XDH: variants seen among roughly 807,000 people sequenced by gnomAD.
XDH encodes xanthine dehydrogenase/oxidase.
In XDH, 138 loss-of-function variants were observed where a neutral mutation model predicts 156.1. That is an observed-to-expected ratio of 0.88 (90% CI 0.77 to 1.02). The LOEUF (loss-of-function observed/expected upper bound fraction) is 1.02, where lower values mean the gene tolerates loss of function less well. XDH is among the 50% of genes least tolerant of loss of function. The pLI is 0.00. For synonymous variants in XDH, 669 were observed against 625.7 expected (o/e 1.07, Z -1.03); for missense variants, 1,849 against 1,684.9 (o/e 1.10, Z -1.71).
chr2:31,350,348 C>T (rs1244536489), intron 24 of XDH, 125 bp from the exon 25 acceptor site: 13 of 892,442 alleles, frequency 1.5e-5, no homozygotes, highest in Non-Finnish European at 2.4e-5. Context: ...TATTTCTCCC[C>T]CAGGATATTG....
chr2:31,382,684 G>A (rs941561635), intron 11 of XDH, among the ~76,000 whole-genome samples: 5 of 152,216 alleles, frequency 3.3e-5, no homozygotes, highest in Admixed American at 3.3e-4. Flanking sequence ...AGCTCAGGAA[G>A]GGGGAGGGAG....
chr2:31,372,503 G>T, intron 16 of XDH, 106 bp from the exon 17 acceptor site: 1 of 1,495,976 alleles, frequency 6.7e-7, no homozygotes, highest in Non-Finnish European at 9.2e-7. Context: ...AGGACACCAA[G>T]GGGTAAGAAT....
At chr2:31,387,982 A>T in intron 7 of XDH, 85 bp from the exon 8 acceptor site, 3 of 1,440,848 alleles carry the variant, frequency 2.1e-6, no homozygotes, top group Non-Finnish European at 1.9e-6. Flanking sequence ...TCCTTCCAGC[A>T]AGCTCATTCC....
intron 6 of XDH, among the ~76,000 whole-genome samples, chr2:31,394,664 C>T (rs923056518): frequency 6.6e-6 from 1 of 152,100 alleles, no homozygotes; most frequent in African/African-American, 2.4e-5. Context: ...CTGATATTCT[C>T]GTTACACATA....
At position 31,335,976 on chromosome 2, in the gene XDH, G is replaced by T. The variant is rs371909643; in HGVS notation, c.3984C>A (p.Pro1328=). ...CVTGVPENCK[P]WSVRV ...TCTCTCTTTAGACCCTCACAGACCA[G>T]GGTTTGCAGTTTTCTGGGACACCAG... is the stretch of plus-strand genomic sequence containing the variant. Residue 1328 remains proline, a synonymous_variant, in exon 36 of 36, where the codon CCC becomes CCA. Transcript: ENST00000379416. 6.2e-7 allele frequency: 1 copy of T among 1,614,088 alleles called. No homozygotes were observed. The highest frequency in any genetic ancestry group is 8.5e-7 in the Non-Finnish European group (1 of 1,180,046).
At position 31,370,344 on chromosome 2, in the gene XDH, C is replaced by T; in HGVS notation, c.1980+11G>A. 4 of 1,614,082 alleles carry T rather than the reference C, an allele frequency of 2.5e-6. No individual in the cohort carries two copies. The highest frequency in any genetic ancestry group is 3.4e-6 in the Non-Finnish European group (4 of 1,179,978). On this transcript the variant is annotated intron_variant, in intron 18 of 35. Coordinates refer to ENST00000379416, the MANE Select transcript of XDH (RefSeq NM_000379.4). ...TTCAATTTACTTCATATAAAAAAAT[C>T]CAAGACTTACCTTATCCTTCGCAAA...
chr2:31,380,011 A>G, intron 12 of XDH, 35 bp from the exon 13 acceptor site: 1 of 1,606,000 alleles, frequency 6.2e-7, no homozygotes, highest in Non-Finnish European at 8.5e-7. Context: ...AGCCAAAGTG[A>G]GGGAAAGGCT....
In XDH at chr2:31,375,442, T is replaced by C; in HGVS notation, c.1540A>G (p.Ser514Gly). 1 of 1,614,184 alleles carries C rather than the reference T, an allele frequency of 6.2e-7. No individual in the cohort carries two copies. Among genetic ancestry groups the C allele is most frequent in the Non-Finnish European group, 8.5e-7 (1 of 1,180,030 alleles). The change falls in exon 15 of 36, where the codon AGC (serine) becomes GGC (glycine). Residue 514 changes from serine to glycine, a missense_variant. By Grantham distance (56) the Ser-to-Gly change is moderately conservative (BLOSUM62 0). Transcript: ENST00000379416. ...MVDFRCTLTL[S>G]FFFKFYLTVL... ...GTCAGGTAGAACTTGAAGAAGAAGC[T>C]GAGGGTGAGGGTGCACCGGAAGTCC... is the stretch of plus-strand genomic sequence containing the variant.
intron 31 of XDH, among the ~76,000 whole-genome samples, chr2:31,343,253 A>C (rs1190653797): frequency 1.4e-5 from 2 of 140,304 alleles, no homozygotes; most frequent in Non-Finnish European, 3.1e-5. Flanking sequence ...GATATTAAAA[A>C]CCTAGAAAGC....
rs1031915647 is a variant in XDH, at chr2:31,387,909, G to A, written c.565-12C>T. Reference sequence around the variant, plus strand: ...GGCGAGAGGCTGACCTATGGGGAAAGAGAACAGGTAGGTGATGCAGTATCT... The same window carrying A: ...GGCGAGAGGCTGACCTATGGGGAAAAAGAACAGGTAGGTGATGCAGTATCT... On this transcript the variant is annotated splice_polypyrimidine_tract_variant and intron_variant, in intron 7 of 35. Coordinates refer to ENST00000379416, the MANE Select transcript of XDH (RefSeq NM_000379.4). The A allele has an allele frequency of 7.6e-6, 12 of 1,570,434 alleles. No homozygotes were observed. Among genetic ancestry groups the A allele is most frequent in the Non-Finnish European group, 1.0e-5 (12 of 1,157,596 alleles).
At chr2:31,414,153 T>C (rs766332463) in intron 1 of XDH, among the ~76,000 whole-genome samples, 19 of 152,196 alleles carry the variant, frequency 1.2e-4, no homozygotes, top group South Asian at 2.1e-4. Context: ...ATATATAATA[T>C]ATTAGAATCA....
At chr2:31,348,787 T>C in intron 27 of XDH, 112 bp downstream of exon 27, 2 of 941,924 alleles carry the variant, frequency 2.1e-6, no homozygotes, top group Admixed American at 1.9e-5. Flanking sequence ...AAAGAGTTCC[T>C]CCAGTAAGCC....
rs115965767 is a variant in XDH, at chr2:31,396,553, A to G, written c.495+1115T>C. Among the ~76,000 whole-genome samples the G allele has an allele frequency of 4.1e-3, 630 of 152,352 alleles. 3 individuals carry two copies. The highest frequency in any genetic ancestry group is 0.015 in the African/African-American group (606 of 41,586). ...TTAATTTTTATAAACACAGTAAGGTAGATATTCTAATGAAATCACCTAATA... is the reference window on the plus strand; with the variant it reads ...TTAATTTTTATAAACACAGTAAGGTGGATATTCTAATGAAATCACCTAATA... On this transcript the variant is annotated intron_variant, in intron 6 of 35. Coordinates refer to ENST00000379416, the MANE Select transcript of XDH (RefSeq NM_000379.4).
chr2:31,363,591 A>T (rs559186598), intron 24 of XDH, among the ~76,000 whole-genome samples: 2 of 152,206 alleles, frequency 1.3e-5, no homozygotes, highest in Non-Finnish European at 2.9e-5. Context: ...ATATACTTCA[A>T]ATGGATTAAC....
intron 9 of XDH, 82 bp downstream of exon 9, chr2:31,386,331 AG>A: frequency 6.3e-7 from 1 of 1,579,352 alleles, no homozygotes; most frequent in South Asian, 1.1e-5. Context: ...AAGTAAAGTC[AG>A]GGGGAGGTGA....
At chr2:31,366,625 A>G (rs1461187937) in intron 21 of XDH, among the ~76,000 whole-genome samples, 2 of 152,208 alleles carry the variant, frequency 1.3e-5, no homozygotes, top group Non-Finnish European at 2.9e-5. Flanking sequence ...AACTCATCTA[A>G]TAATTATGAC....
intron 33 of XDH, 114 bp from the exon 34 acceptor site, chr2:31,339,791 A>C: frequency 7.4e-7 from 1 of 1,356,226 alleles, no homozygotes; most frequent in Non-Finnish European, 1.0e-6. Context: ...AATGTAGCTA[A>C]AACTGCCCTC....
At chr2:31,398,345 A>G (rs1686966577) in intron 5 of XDH, among the ~76,000 whole-genome samples, 1 of 152,200 alleles carries the variant, frequency 6.6e-6, no homozygotes, top group African/African-American at 2.4e-5. Flanking sequence ...CACCTCAGAA[A>G]TATGGACACA....
At chr2:31,339,742 C>A in intron 33 of XDH, 65 bp from the exon 34 acceptor site, 1 of 1,588,442 alleles carries the variant, frequency 6.3e-7, no homozygotes. Flanking sequence ...ATACCACTTG[C>A]CACAATGGAC....
Sources: gnomAD v4.1 joint callset for allele counts (sites outside exome capture counted in the v4.1 genomes callset) on GRCh38, gnomAD v4.1.1 for gene constraint, MANE v1.5 for transcripts, NCBI Gene and HGNC (gene_info 2026-07-23, HGNC 2026-07-21) for gene names.